Variants in AGFG1 observed in about 807,000 individuals in gnomAD.
The protein encoded by AGFG1 is arf-GAP domain and FG repeat-containing protein 1.
In AGFG1, 10 loss-of-function variants were observed where a neutral mutation model predicts 60.6. The observed-to-expected ratio is 0.16, with a 90% confidence interval of 0.10 to 0.28. The LOEUF (loss-of-function observed/expected upper bound fraction) is 0.28. Among genes scored for constraint, AGFG1 ranks in the 10% least tolerant of loss-of-function variants. The pLI is 1.00. For missense variants in AGFG1, 537 were observed against 676.5 expected (o/e 0.79, Z 2.29); for synonymous variants, 247 against 242.9 (o/e 1.02, Z -0.16).
At chr2:227,501,392 T>C (rs1175625170) in intron 2 of AGFG1, among the ~76,000 whole-genome samples, 1 of 152,204 alleles carries the variant, frequency 6.6e-6, no homozygotes, top group Admixed American at 6.5e-5. Context: ...AGTATATCTA[T>C]CATTAATTAG....
chr2:227,524,898 A>T lies in AGFG1; in HGVS notation c.677A>T (p.His226Leu). ...TATANFANFA[H>L]FNSHAAQNSA... ...ACAGCCAATTTTGCTAACTTTGCAC[A>T]TTTCAACAGTCATGCAGGTAAGTGT... Residue 226 changes from histidine (H) to leucine (L), a missense_variant, in exon 5 of 13, where the codon CAT becomes CTT. By Grantham distance (99) the His-to-Leu change is moderately conservative. Transcript: ENST00000310078. The T allele has an allele frequency of 1.2e-6, 2 of 1,614,126 alleles. No homozygotes were observed.
At chr2:227,508,693 T>C in intron 2 of AGFG1, 1 of 446,014 alleles carries the variant, frequency 2.2e-6, no homozygotes, top group South Asian at 1.7e-5. Flanking sequence ...TTGGGATTTT[T>C]TTTTTTTTCT....
chr2:227,485,560 A>G (rs562428654), intron 1 of AGFG1, among the ~76,000 whole-genome samples: 46 of 152,012 alleles, frequency 3.0e-4, no homozygotes, highest in African/African-American at 9.4e-4. Flanking sequence ...ATTGGATTTT[A>G]TTTATCCAGA....
chr2:227,528,464 G>A (rs759349077), intron 5 of AGFG1, among the ~76,000 whole-genome samples: 2 of 152,106 alleles, frequency 1.3e-5, no homozygotes, highest in Non-Finnish European at 2.9e-5. Context: ...GACCAGATAA[G>A]GACCCCAACT....
intron 1 of AGFG1, among the ~76,000 whole-genome samples, chr2:227,484,986 A>G (rs888215640): frequency 6.6e-6 from 1 of 151,918 alleles, no homozygotes; most frequent in Non-Finnish European, 1.5e-5. Flanking sequence ...CTGGGATTAC[A>G]CACATAAGCC....
intron 1 of AGFG1, among the ~76,000 whole-genome samples, chr2:227,489,359 T>C (rs1028114129): frequency 1.3e-5 from 2 of 149,772 alleles, no homozygotes; most frequent in Admixed American, 6.8e-5. Context: ...GCCTCCTAAG[T>C]AGCTGGCAAG....
In AGFG1 at chr2:227,505,730, G is replaced by GT. The variant is rs199796338; in HGVS notation, c.261+14098dup. Among the ~76,000 whole-genome samples, 1,459 of 151,278 alleles carry GT rather than the reference G, an allele frequency of 9.6e-3. 13 individuals are homozygous for GT. Among genetic ancestry groups the GT allele is most frequent in the Middle Eastern group, 0.027 (8 of 294 alleles). ...TTATATGATATGGTCTTTTTATTTT[G>GT]TTTTTTTTGTTTGTTTGTTTGTTTT... On this transcript the variant is annotated intron_variant, in intron 2 of 12. Transcript: ENST00000310078.
chr2:227,520,404 AC>A (rs1019139648), intron 3 of AGFG1, among the ~76,000 whole-genome samples: 2 of 152,162 alleles, frequency 1.3e-5, no homozygotes, highest in Non-Finnish European at 2.9e-5. Flanking sequence ...GCAAGTATTT[AC>A]TGAGTCATAT....
At chr2:227,528,127 A>G (rs1692051325) in intron 5 of AGFG1, among the ~76,000 whole-genome samples, 1 of 152,226 alleles carries the variant, frequency 6.6e-6, no homozygotes, top group Non-Finnish European at 1.5e-5. Flanking sequence ...CTCCAGCCAC[A>G]TTTCTTTCTA....
Position 227,554,447 on chromosome 2 carries a change from A to G in AGFG1, c.1641A>G (p.Pro547=). 1 of 1,613,646 alleles carries G rather than the reference A, an allele frequency of 6.2e-7. No individual in the cohort carries two copies. The highest frequency in any genetic ancestry group is 1.3e-5 in the African/African-American group (1 of 75,030). ...ATGTTTTCCTTTAGACTGGTGCACC[A>G]ACAGGACAATTTCCAACAGGAAGCT... ...VSSNPFMTGA[P]TGQFPTGSSS... The change falls in exon 13 of 13, where the codon CCA becomes CCG. Residue 547 remains proline, a synonymous_variant. Coordinates refer to ENST00000310078, the MANE Select transcript of AGFG1 (RefSeq NM_004504.5).
At chr2:227,517,565 C>G (rs779388981) in intron 2 of AGFG1, among the ~76,000 whole-genome samples, 102 of 152,290 alleles carry the variant, frequency 6.7e-4, no homozygotes, top group Non-Finnish European at 1.1e-3. Flanking sequence ...CCACCACGCC[C>G]GACCCACAAG....
intron 10 of AGFG1, among the ~76,000 whole-genome samples, chr2:227,550,421 A>T (rs188609123): frequency 1.8e-4 from 28 of 152,226 alleles, no homozygotes; most frequent in Non-Finnish European, 3.1e-4. Context: ...TTTTTGATAT[A>T]CCAAACCATT....
At chr2:227,484,389 GT>G (rs757563296) in intron 1 of AGFG1, among the ~76,000 whole-genome samples, 8 of 152,050 alleles carry the variant, frequency 5.3e-5, no homozygotes, top group Non-Finnish European at 1.2e-4. Flanking sequence ...TTTTAACCAT[GT>G]TGGCCAGGCT....
intron 6 of AGFG1, among the ~76,000 whole-genome samples, chr2:227,532,567 AT>A (rs200594778): frequency 2.0e-5 from 3 of 151,766 alleles, no homozygotes; most frequent in Admixed American, 6.6e-5. Context: ...ATCAGTGTAT[AT>A]TTTTTTTAGA....
At chr2:227,544,315 C>A (rs897206096) in intron 10 of AGFG1, among the ~76,000 whole-genome samples, 2 of 151,998 alleles carry the variant, frequency 1.3e-5, no homozygotes, top group African/African-American at 4.8e-5. Flanking sequence ...CCACCACACC[C>A]GGCTAATTTT....
At chr2:227,536,001 A>G (rs1484356014) in intron 8 of AGFG1, among the ~76,000 whole-genome samples, 1 of 152,156 alleles carries the variant, frequency 6.6e-6, no homozygotes, top group East Asian at 1.9e-4. Context: ...AACAATGGCA[A>G]GTAAAACTTG....
Position 227,561,088 on chromosome 2 carries a change from A to G in AGFG1, c.*6593A>G, listed in dbSNP as rs1693124790. 6.6e-6 allele frequency: 1 copy of G among 152,182 alleles called. No individual in the cohort carries two copies. The highest frequency in any genetic ancestry group is 1.5e-5 in the Non-Finnish European group (1 of 67,994). The allele number at this position is 152,182 out of a possible 1,614,324, so 9.4% of individuals were successfully genotyped here. On this transcript the variant is annotated 3_prime_UTR_variant, in exon 13 of 13. Transcript: ENST00000310078. ...GGTTTTAAATATTGGATGAAAACTT[A>G]CAGGCTGTTTTCAATATTCATTTCT...
rs114805953 is a variant in AGFG1, at chr2:227,532,585, A to G, written c.815-964A>G. Among the ~76,000 whole-genome samples, 518 of 152,272 alleles carry G rather than the reference A, an allele frequency of 3.4e-3. 3 individuals are homozygous for G. The highest frequency in any genetic ancestry group is 0.012 in the African/African-American group (492 of 41,578). On this transcript the variant is annotated intron_variant, in intron 6 of 12. Coordinates refer to ENST00000310078, the MANE Select transcript of AGFG1 (RefSeq NM_004504.5). Reference sequence around the variant, plus strand: ...AGTGTATATTTTTTTTAGAATGTATAAAAACCTGCTTGATAGAAAGTGTTC... The same window carrying G: ...AGTGTATATTTTTTTTAGAATGTATGAAAACCTGCTTGATAGAAAGTGTTC...
At chr2:227,496,105 T>TCC (rs1690965919) in intron 2 of AGFG1, among the ~76,000 whole-genome samples, 1 of 121,954 alleles carries the variant, frequency 8.2e-6, no homozygotes. Flanking sequence ...AGAGTGAGAC[T>TCC]GTCTCAAAAA....
Sources: allele counts gnomAD v4.1 joint callset (sites outside exome capture counted in the v4.1 genomes callset), GRCh38; gene constraint gnomAD v4.1.1; transcripts MANE v1.5; gene names NCBI Gene and HGNC (gene_info 2026-07-23, HGNC 2026-07-21).